NCOA3: variants seen among roughly 807,000 people sequenced by gnomAD.
NCOA3 encodes nuclear receptor coactivator 3.
In NCOA3, 51 loss-of-function variants were observed where a neutral mutation model predicts 158.8. The observed-to-expected ratio is 0.32, with a 90% confidence interval of 0.26 to 0.41. The LOEUF (loss-of-function observed/expected upper bound fraction) is 0.41, where lower values mean the gene tolerates loss of function less well. Among genes scored for constraint, NCOA3 ranks in the 10% least tolerant of loss-of-function variants. NCOA3 has a pLI of 1.00. For synonymous variants in NCOA3, 537 were observed against 592.4 expected, an observed-to-expected ratio of 0.91 and a Z score of 1.36; for missense variants, 1,510 against 1,746.6, an observed-to-expected ratio of 0.86 and a Z score of 2.41.
intron 1 of NCOA3, among the ~76,000 whole-genome samples, chr20:47,572,531 C>A (rs773886998): frequency 6.7e-6 from 1 of 149,416 alleles, no homozygotes; most frequent in Non-Finnish European, 1.5e-5. Flanking sequence ...CATTTCTAGC[C>A]CCCCCCACCT....
In NCOA3 at chr20:47,580,451, G is replaced by A. The variant is rs144574770; in HGVS notation, c.-98-2732G>A. On this transcript the variant is annotated intron_variant, in intron 1 of 22. Coordinates refer to ENST00000371998, the MANE Select transcript of NCOA3 (RefSeq NM_181659.3). ...TGCACCTGTAATCCCAGCTACTCGG[G>A]AGGCTGAGGCAGGAGAATCGCTTTA... 4.6e-5 allele frequency among the ~76,000 whole-genome samples: 7 copies of A among 152,094 alleles called. No individual in the cohort carries two copies. In the East Asian group the frequency reaches 1.4e-3, roughly 29 times the overall value.
intron 1 of NCOA3, among the ~76,000 whole-genome samples, chr20:47,580,768 C>T (rs2085440451): frequency 6.6e-6 from 1 of 152,056 alleles, no homozygotes; most frequent in Non-Finnish European, 1.5e-5. Context: ...GTTCATCTTA[C>T]ACGAATTAAA....
Position 47,639,686 on chromosome 20 carries a change from A to C in NCOA3, c.2817A>C (p.Gly939=). ...AACCTATGAATTCAAACTCCATGGG[A>C]AGACCAGGAGGAGATTATAATACTT... is the stretch of plus-strand genomic sequence containing the variant. ...RMEPMNSNSM[G]RPGGDYNTSL... is the part of the protein sequence containing the mutation. Residue 939 remains glycine, a synonymous_variant, in exon 15 of 23, where the codon GGA becomes GGC. Transcript: ENST00000371998. 1.2e-6 allele frequency: 2 copies of C among 1,614,160 alleles called. No homozygotes were observed. The highest frequency in any genetic ancestry group is 8.5e-7 in the Non-Finnish European group (1 of 1,180,010).
chr20:47,502,247 C>A (rs1045372278), intron 1 of NCOA3, among the ~76,000 whole-genome samples: 1 of 152,302 alleles, frequency 6.6e-6, no homozygotes, highest in South Asian at 2.1e-4. Context: ...TGAGACGAAG[C>A]TGGGTGGCAG....
chr20:47,529,225 C>T (rs957085853), intron 1 of NCOA3, among the ~76,000 whole-genome samples: 22 of 151,270 alleles, frequency 1.5e-4, no homozygotes, highest in African/African-American at 3.4e-4. Flanking sequence ...TGGGTTCAAG[C>T]GATTCTCCTG....
intron 1 of NCOA3, among the ~76,000 whole-genome samples, chr20:47,504,629 C>T (rs2083997407): frequency 6.6e-6 from 1 of 151,426 alleles, no homozygotes; most frequent in Admixed American, 6.6e-5. Context: ...ATGGTGAAAC[C>T]CCTTCACTAC....
chr20:47,635,891 G>C lies in NCOA3; in HGVS notation c.1505G>C (p.Gly502Ala). ...TTCCTAAATTTTTTTTCAAATTCAGGTGTGCACTCTCCCATGGCATCTTCT... is the reference window on the plus strand; with the variant it reads ...TTCCTAAATTTTTTTTCAAATTCAGCTGTGCACTCTCCCATGGCATCTTCT... ...IASHQFSPVA[G>A]VHSPMASSGN... The change falls in exon 12 of 23, where the codon GGT becomes GCT. Residue 502 changes from glycine (G) to alanine (A), a missense_variant and splice_region_variant. Gly to Ala is a moderately conservative substitution (Grantham distance 60). Around this residue, in one of 4 missense-constraint regions of NCOA3, gnomAD observed 1,017 missense variants for 1,098.3 expected, o/e 0.93. Coordinates refer to ENST00000371998, the MANE Select transcript of NCOA3 (RefSeq NM_181659.3). 6.2e-7 allele frequency: 1 copy of C among 1,605,534 alleles called. No individual in the cohort carries two copies. Among genetic ancestry groups the C allele is most frequent in the Non-Finnish European group, 8.5e-7 (1 of 1,176,628 alleles).
chr20:47,527,886 A>G (rs1405144432), intron 1 of NCOA3, among the ~76,000 whole-genome samples: 1 of 152,112 alleles, frequency 6.6e-6, no homozygotes, highest in African/African-American at 2.4e-5. Flanking sequence ...TGTCTGTTCA[A>G]ATCTTTTGCC....
chr20:47,574,744 C>T (rs1415183158), intron 1 of NCOA3, among the ~76,000 whole-genome samples: 1 of 152,122 alleles, frequency 6.6e-6, no homozygotes, highest in Non-Finnish European at 1.5e-5. Flanking sequence ...CTTTGCATAG[C>T]AAGTACAGGT....
At chr20:47,519,855 A>C (rs2084297783) in intron 1 of NCOA3, among the ~76,000 whole-genome samples, 1 of 151,906 alleles carries the variant, frequency 6.6e-6, no homozygotes, top group Admixed American at 6.6e-5. Context: ...TCTGCCTCCC[A>C]GGTTCAAGAG....
intron 8 of NCOA3, among the ~76,000 whole-genome samples, chr20:47,629,117 TTACA>T (rs2086372513): frequency 6.6e-6 from 1 of 152,344 alleles, no homozygotes; most frequent in East Asian, 1.9e-4. Context: ...GCTATCACTA[TTACA>T]TATGTATGTG....
intron 1 of NCOA3, among the ~76,000 whole-genome samples, chr20:47,523,929 A>T (rs67414203): frequency 6.6e-6 from 1 of 152,242 alleles, no homozygotes; most frequent in Non-Finnish European, 1.5e-5. Context: ...TGGTATTTTC[A>T]TAGCCCATGC....
intron 20 of NCOA3, among the ~76,000 whole-genome samples, 155 bp from the exon 21 acceptor site, chr20:47,652,251 G>T (rs900107594): frequency 2.0e-5 from 3 of 151,364 alleles, no homozygotes; most frequent in Non-Finnish European, 4.4e-5. Flanking sequence ...TAGAATACCT[G>T]GGGGGGCAGC....
intron 1 of NCOA3, among the ~76,000 whole-genome samples, chr20:47,537,845 G>A (rs2084660047): frequency 6.6e-6 from 1 of 152,098 alleles, no homozygotes; most frequent in African/African-American, 2.4e-5. Flanking sequence ...GCCTCCCAAA[G>A]TGCTAGGATT....
In NCOA3 at chr20:47,608,823, T is replaced by G. The variant is rs11698787; in HGVS notation, c.-19-13406T>G. Among the ~76,000 whole-genome samples the G allele has an allele frequency of 4.7e-3, 712 of 152,228 alleles. 5 individuals are homozygous for G. The highest frequency in any genetic ancestry group is 8.0e-3 in the Admixed American group (122 of 15,294). On this transcript the variant is annotated intron_variant, in intron 2 of 22. Transcript: ENST00000371998. ...GTTGGAACTCTAGAAGCATTTGACT[T>G]AAACCTTTCACCTTGTTGTATTTGG...
chr20:47,506,835 T>C (rs1026664027), intron 1 of NCOA3, among the ~76,000 whole-genome samples: 3 of 152,212 alleles, frequency 2.0e-5, no homozygotes, highest in East Asian at 1.9e-4. Flanking sequence ...ACATTTTTCA[T>C]CTGTTATTCC....
chr20:47,506,351 T>C (rs1232422467), intron 1 of NCOA3, among the ~76,000 whole-genome samples: 2 of 152,234 alleles, frequency 1.3e-5, no homozygotes, highest in Middle Eastern at 3.2e-3. Context: ...TAACAAATTA[T>C]GGAATTGAAT....
chr20:47,604,056 T>C (rs1466075256), intron 2 of NCOA3, among the ~76,000 whole-genome samples: 3 of 152,222 alleles, frequency 2.0e-5, no homozygotes, highest in Non-Finnish European at 1.5e-5. Flanking sequence ...ATATCTTTTT[T>C]TGTAAACTAG....
intron 1 of NCOA3, among the ~76,000 whole-genome samples, chr20:47,530,418 G>T (rs1186122324): frequency 6.6e-6 from 1 of 151,252 alleles, no homozygotes; most frequent in Non-Finnish European, 1.5e-5. Flanking sequence ...GATTTGCATA[G>T]CTCAGTATTT....
Sources: gnomAD v4.1 joint callset for allele counts (sites outside exome capture counted in the v4.1 genomes callset) on GRCh38, gnomAD v4.1.1 for gene constraint, gnomAD v4.1.1 regional missense constraint, MANE v1.5 for transcripts, NCBI Gene and HGNC (gene_info 2026-07-23, HGNC 2026-07-21) for gene names.